The following POLA1 variants were observed in gnomAD, a reference collection of about 807,000 sequenced individuals.
POLA1 encodes DNA polymerase alpha 1, catalytic subunit, also known as DNA polymerase alpha catalytic subunit.
A neutral mutation model predicts 124.0 loss-of-function variants in POLA1; 15 were observed. The ratio of observed to expected loss-of-function variants is 0.12; its 90% CI spans 0.08 to 0.19. The LOEUF is 0.19. POLA1 is among the 10% of genes least tolerant of loss of function. The pLI, the probability that POLA1 is intolerant of heterozygous loss-of-function variation, is 1.00. For synonymous variants in POLA1, 408 were observed against 389.4 expected, an observed-to-expected ratio of 1.05 and a Z score of -0.56; for missense variants, 886 against 1,103.4, an observed-to-expected ratio of 0.80 and a Z score of 2.79.
At chrX:24,820,861 A>G (rs764218850) in intron 30 of POLA1, among the ~76,000 whole-genome samples, 1 of 111,550 alleles carries the variant, frequency 9.0e-6, no homozygotes, top group African/African-American at 3.3e-5. Context: ...TTTATTCCGC[A>G]AATATTTGGC....
intron 34 of POLA1, 39 bp downstream of exon 34, chrX:24,843,716 T>C (rs2046438879): frequency 1.0e-6 from 1 of 1,004,604 alleles, no homozygotes; most frequent in Non-Finnish European, 1.3e-6. Context: ...ACACAACTTA[T>C]TGAGGTTTGG....
At position 24,843,580 on chromosome X, in the gene POLA1, G is replaced by A; in HGVS notation, c.3950G>A (p.Ser1317Asn). 3 of 1,192,209 alleles carry A rather than the reference G, an allele frequency of 2.5e-6. No individual in the cohort carries two copies. The highest frequency in any genetic ancestry group is 2.3e-6 in the Non-Finnish European group (2 of 880,364). ...ATGGAGCCCAGCTTGTATCGTTGCA[G>A]TAACATCGATTGTAAGGCTTCACCT... ...TDMEPSLYRC[S>N]NIDCKASPLT... Residue 1317 changes from serine to asparagine, a missense_variant, in exon 34 of 37, where the codon AGT becomes AAT. Coordinates refer to ENST00000379068, the MANE Select transcript of POLA1 (RefSeq NM_001330360.2).
chrX:24,709,412 G>A (rs1325211920), intron 4 of POLA1, among the ~76,000 whole-genome samples: 1 of 93,751 alleles, frequency 1.1e-5, no homozygotes, highest in African/African-American at 4.0e-5. Context: ...CCTCCCTCCC[G>A]GACGGCACGG....
chrX:24,724,461 T>C lies in POLA1; in HGVS notation c.1317+10T>C. ...GAAGTTCAAGTCTAAGGTTTGTATT[T>C]GGCGATGATTTTTTTCCAGCTCTGT... On this transcript the variant is annotated intron_variant, in intron 12 of 36. Coordinates refer to ENST00000379068, the MANE Select transcript of POLA1 (RefSeq NM_001330360.2). 2 of 796,868 alleles carry C rather than the reference T, an allele frequency of 2.5e-6. No homozygotes were observed. The highest frequency in any genetic ancestry group is 3.7e-6 in the Non-Finnish European group (2 of 539,376). 65.7% of individuals were successfully genotyped at this position (796,868 alleles called of 1,213,427 possible).
intron 4 of POLA1, among the ~76,000 whole-genome samples, chrX:24,710,097 C>A (rs1224947351): frequency 1.1e-5 from 1 of 94,582 alleles, no homozygotes; most frequent in Non-Finnish European, 2.1e-5. Flanking sequence ...CGCTGCCTCC[C>A]GGGCGGCGCT....
chrX:24,755,728 A>G (rs1383421264), intron 26 of POLA1, among the ~76,000 whole-genome samples: 2 of 111,843 alleles, frequency 1.8e-5, no homozygotes, highest in African/African-American at 6.5e-5. Flanking sequence ...TTTTTTTCCC[A>G]CAAGAAAGCT....
intron 26 of POLA1, among the ~76,000 whole-genome samples, chrX:24,809,648 T>G (rs1225984600): frequency 9.0e-6 from 1 of 111,421 alleles, no homozygotes; most frequent in African/African-American, 3.3e-5. Context: ...TATAGAGATA[T>G]TTTATTGTGT....
At chrX:24,789,282 G>A (rs1276589132) in intron 26 of POLA1, among the ~76,000 whole-genome samples, 1 of 111,869 alleles carries the variant, frequency 8.9e-6, no homozygotes, top group African/African-American at 3.2e-5. Flanking sequence ...CCAAAGAACT[G>A]TTAGAACTAA....
intron 36 of POLA1, among the ~76,000 whole-genome samples, chrX:24,937,368 A>G (rs745567849): frequency 3.5e-4 from 39 of 111,877 alleles, no homozygotes; most frequent in African/African-American, 1.3e-3. Context: ...AGAATTTGTT[A>G]TAGTTATCTC....
At position 24,863,259 on chromosome X, in the gene POLA1, C is replaced by A. The variant is rs2046742944; in HGVS notation, c.4047+19582C>A. Among the ~76,000 whole-genome samples, 2 of 37,474 alleles carry A rather than the reference C, an allele frequency of 5.3e-5. 1 individual carries two copies. Among genetic ancestry groups the A allele is most frequent in the Admixed American group, 4.4e-4 (2 of 4,504 alleles). 32.5% of individuals were successfully genotyped at this position (37,474 alleles called of 115,157 possible). On this transcript the variant is annotated intron_variant, in intron 34 of 36. Transcript: ENST00000379068. ...TGTCTTCATTGAAGGGAAGAGTATG[C>A]CCCCCCCCATCTTCCACCCTCTTTT...
At chrX:24,784,526 T>C (rs1237161988) in intron 26 of POLA1, among the ~76,000 whole-genome samples, 2 of 109,455 alleles carry the variant, frequency 1.8e-5, no homozygotes, top group Non-Finnish European at 3.8e-5. Context: ...TCTACTAAAA[T>C]ACAAAAAATG....
At chrX:24,804,939 C>CA (rs1284913138) in intron 26 of POLA1, among the ~76,000 whole-genome samples, 1 of 111,588 alleles carries the variant, frequency 9.0e-6, no homozygotes, top group Non-Finnish European at 1.9e-5. Context: ...TTGGCACACA[C>CA]AAAAAACATC....
chrX:24,876,688 G>T (rs867857832), intron 34 of POLA1, among the ~76,000 whole-genome samples: 1 of 100,545 alleles, frequency 9.9e-6, no homozygotes, highest in East Asian at 3.7e-4. Flanking sequence ...GGTCGGGGGG[G>T]GGGATAGTGG....
intron 26 of POLA1, among the ~76,000 whole-genome samples, chrX:24,749,992 A>T (rs1166802659): frequency 8.9e-6 from 1 of 111,936 alleles, no homozygotes; most frequent in African/African-American, 3.3e-5. Context: ...AAAAATGCTT[A>T]TATTGGGGGG....
chrX:24,931,074 G>A (rs2047770797), intron 36 of POLA1, among the ~76,000 whole-genome samples: 1 of 111,107 alleles, frequency 9.0e-6, no homozygotes, highest in African/African-American at 3.3e-5. Context: ...TCAGCACTCG[G>A]CGTTTCCTTA....
chrX:24,725,444 C>T (rs1232079584), intron 12 of POLA1, among the ~76,000 whole-genome samples: 2 of 110,666 alleles, frequency 1.8e-5, no homozygotes, highest in African/African-American at 6.6e-5. Flanking sequence ...GTGATCCGCC[C>T]GCCTCGGCCT....
At chrX:24,843,434 A>G (rs1169909850) in intron 33 of POLA1, 112 bp from the exon 34 acceptor site, 2 of 487,915 alleles carry the variant, frequency 4.1e-6, no homozygotes, top group African/African-American at 4.9e-5. Context: ...ACAACTCACC[A>G]ATAAAACGAA....
intron 26 of POLA1, among the ~76,000 whole-genome samples, chrX:24,792,871 T>A (rs1284258681): frequency 9.0e-6 from 1 of 111,706 alleles, no homozygotes; most frequent in Non-Finnish European, 1.9e-5. Flanking sequence ...TATTTTTCAT[T>A]CTCTTTGGGA....
intron 34 of POLA1, among the ~76,000 whole-genome samples, chrX:24,860,704 AT>A (rs1354869470): frequency 8.9e-6 from 1 of 112,798 alleles, no homozygotes; most frequent in Non-Finnish European, 1.9e-5. Flanking sequence ...TTGTCAGACC[AT>A]CACTAGCCAT....
Sources: gnomAD v4.1 joint callset for allele counts (sites outside exome capture counted in the v4.1 genomes callset) on GRCh38, gnomAD v4.1.1 for gene constraint, MANE v1.5 for transcripts, NCBI Gene and HGNC (gene_info 2026-07-23, HGNC 2026-07-21) for gene names.